Variants in ASPM observed in about 807,000 individuals in gnomAD.
The protein encoded by ASPM is assembly factor for spindle microtubules.
A neutral mutation model predicts 366.4 loss-of-function variants in ASPM; 256 were observed. That is an observed-to-expected ratio of 0.70 (90% CI 0.63 to 0.77). The LOEUF is 0.77. Ranked by LOEUF, ASPM falls within the 30% of genes least tolerant of loss-of-function variation. The pLI, the probability that ASPM is intolerant of heterozygous loss-of-function variation, is 0.00. For synonymous variants in ASPM, 1,414 were observed against 1,342.9 expected (o/e 1.05, Z -1.16); for missense variants, 4,146 against 4,090.4 (o/e 1.01, Z -0.37).
chr1:197,133,317 G>T (rs1324239304), intron 6 of ASPM, 33 bp downstream of exon 6: 2 of 1,588,730 alleles, frequency 1.3e-6, no homozygotes, highest in Non-Finnish European at 1.7e-6. Context: ...TGTTTTTAAA[G>T]AATTAATGTC....
At chr1:197,136,916 T>C (rs974517549) in intron 4 of ASPM, among the ~76,000 whole-genome samples, 1 of 152,122 alleles carries the variant, frequency 6.6e-6, no homozygotes, top group Non-Finnish European at 1.5e-5. Context: ...ATAGTTATCA[T>C]ATAATATCAT....
rs1178299702 is a variant in ASPM, at chr1:197,101,513, T to C, written c.7738A>G (p.Thr2580Ala). 21 of 1,609,524 alleles carry C rather than the reference T, an allele frequency of 1.3e-5. No individual in the cohort carries two copies. Among genetic ancestry groups the C allele is most frequent in the Non-Finnish European group, 1.7e-5 (20 of 1,179,066 alleles). ...CTATATTTTTCTTGTATGATTTTTG[T>C]AGCCCACTGAAGCTTTTGGTAGAAA... ...YCFYQKLQWATKIIQEKYRAN... is the reference protein window; with the variant it reads ...YCFYQKLQWAAKIIQEKYRAN... The change falls in exon 18 of 28, where the codon ACA becomes GCA. Residue 2580 changes from threonine to alanine, a missense_variant. Around this residue, in one of 3 missense-constraint regions of ASPM, gnomAD observed 3,624 missense variants for 3,591.7 expected, o/e 1.01. Coordinates refer to ENST00000367409, the MANE Select transcript of ASPM (RefSeq NM_018136.5).
intron 17 of ASPM, among the ~76,000 whole-genome samples, chr1:197,109,694 C>T (rs1015355747): frequency 1.3e-5 from 2 of 151,824 alleles, no homozygotes; most frequent in African/African-American, 4.8e-5. Flanking sequence ...TAGAAAATCT[C>T]AAAGAATCTA....
In ASPM at chr1:197,101,532, G is replaced by A. The variant is rs1419649358; in HGVS notation, c.7719C>T (p.Tyr2573=). 6.2e-7 allele frequency: 1 copy of A among 1,609,146 alleles called. No homozygotes were observed. ...TTTTTGTAGCCCACTGAAGCTTTTG[G>A]TAGAAACAATACTGCCTATACATTC... is the stretch of plus-strand genomic sequence containing the variant. ...TYRMYRQYCF[Y]QKLQWATKII... The change falls in exon 18 of 28, where the codon TAC becomes TAT. Residue 2573 remains tyrosine (Y), a synonymous_variant. Transcript: ENST00000367409.
At chr1:197,125,669 T>C (rs1658070423) in intron 10 of ASPM, among the ~76,000 whole-genome samples, 1 of 152,130 alleles carries the variant, frequency 6.6e-6, no homozygotes, top group Admixed American at 6.5e-5. Context: ...CCTATGGTCA[T>C]AGAGCTGGTA....
rs151262912 is a variant in ASPM at position 197,104,926 on chromosome 1, T to C, written c.4325A>G (p.Gln1442Arg). 6.2e-7 allele frequency: 1 copy of C among 1,612,288 alleles called. No individual in the cohort carries two copies. Among genetic ancestry groups the C allele is most frequent in the Non-Finnish European group, 8.5e-7 (1 of 1,179,188 alleles). The change falls in exon 18 of 28, where the codon CAA (glutamine) becomes CGA (arginine). Residue 1442 changes from glutamine (Q) to arginine (R), a missense_variant. Gln to Arg is a conservative substitution (Grantham distance 43, BLOSUM62 1). This residue lies in a region of ASPM where 3,624 missense variants were observed against 3,591.7 expected (regional missense o/e 1.01). Transcript: ENST00000367409. ...TTGCAATATTACTGTAGCTTTTACT[T>C]GTGATTGCATTTTACGTTGCTTCCA... The part of the protein sequence containing the change: ...RKWKQRKMQS[Q>R]VKATVILQRA...
Position 197,146,145 on chromosome 1 carries a change from A to G in ASPM, c.293T>C (p.Leu98Ser). 6.2e-7 allele frequency: 1 copy of G among 1,614,090 alleles called. No individual in the cohort carries two copies. The highest frequency in any genetic ancestry group is 1.3e-5 in the African/African-American group (1 of 75,020). The change falls in exon 1 of 28, where the codon TTG becomes TCG. Residue 98 changes from leucine to serine, a missense_variant. Physicochemically the swap from Leu to Ser is moderately radical, Grantham distance 145 (BLOSUM62 -2). Around this residue, in one of 3 missense-constraint regions of ASPM, gnomAD observed 512 missense variants for 471.7 expected, o/e 1.09. Transcript: ENST00000367409. ...CACGCTCCTCCTGAGACCTACCTGC[A>G]ACACGAAACAGCGCTGCGACACACT... ...GFSVSQRCFV[L>S]QPKEKIVISV...
Position 197,133,493 on chromosome 1 carries a change from C to G in ASPM, c.2276G>C (p.Arg759Pro), listed in dbSNP as rs375901171. 6.2e-7 allele frequency: 1 copy of G among 1,613,908 alleles called. No individual in the cohort carries two copies. The highest frequency in any genetic ancestry group is 1.3e-5 in the African/African-American group (1 of 74,908). ...ACGACGTAGTCTGTTTAACCTACACCGAGCAGTATAAGCTCTGAGAGACAT... is the reference window on the plus strand; with the variant it reads ...ACGACGTAGTCTGTTTAACCTACACGGAGCAGTATAAGCTCTGAGAGACAT... Reference protein sequence around the residue: ...EEMSLRAYTARCRLNRLRRAA... With the variant: ...EEMSLRAYTAPCRLNRLRRAA... The change falls in exon 6 of 28, where the codon CGG becomes CCG. Residue 759 changes from arginine to proline, a missense_variant. This residue lies in a region of ASPM where 3,624 missense variants were observed against 3,591.7 expected (regional missense o/e 1.01). Coordinates refer to ENST00000367409, the MANE Select transcript of ASPM (RefSeq NM_018136.5).
rs111299108 is a variant in ASPM at position 197,146,465 on chromosome 1, C to T, written c.-28G>A. 1,145 of 1,600,712 alleles carry T rather than the reference C, an allele frequency of 7.2e-4. 4 individuals carry two copies. The African/African-American group carries it at 0.013, about 18-fold the overall frequency. ...CAGATTCGAGACCCCTCCTGGATCT[C>T]CTTGCCCCGCTCCCACGAGGCGGCT... On this transcript the variant is annotated 5_prime_UTR_variant, in exon 1 of 28. Transcript: ENST00000367409.
Position 197,132,295 on chromosome 1 carries a change from A to G in ASPM, c.2477T>C (p.Ile826Thr). Residue 826 changes from isoleucine to threonine, a missense_variant, in exon 7 of 28, where the codon ATT (isoleucine) becomes ACT (threonine). Around this residue, in one of 3 missense-constraint regions of ASPM, gnomAD observed 3,624 missense variants for 3,591.7 expected, o/e 1.01. Coordinates refer to ENST00000367409, the MANE Select transcript of ASPM (RefSeq NM_018136.5). ...GAAATATATGCTTACCTCTAGACCA[A>G]TTCGAAGCCACAAAGGATTGTAGGA... ...LLSYNPLWLR[I>T]GLETTYGELI... 4 of 1,612,708 alleles carry G rather than the reference A, an allele frequency of 2.5e-6. No individual in the cohort carries two copies. The highest frequency in any genetic ancestry group is 3.4e-6 in the Non-Finnish European group (4 of 1,179,124).
rs144969324 is a variant in ASPM at position 197,103,741 on chromosome 1, C to A, written c.5510G>T (p.Gly1837Val). Reference protein sequence around the residue: ...AALKIQSAFRGYNKRVKYQSV... With the variant: ...AALKIQSAFRVYNKRVKYQSV... ...TTGATATTTTACCCTTTTATTATAGCCTCTAAAAGCAGACTGAATTTTAAG... is the reference window on the plus strand; with the variant it reads ...TTGATATTTTACCCTTTTATTATAGACTCTAAAAGCAGACTGAATTTTAAG... The change falls in exon 18 of 28, where the codon GGC becomes GTC. Residue 1837 changes from glycine to valine, a missense_variant. Around this residue, in one of 3 missense-constraint regions of ASPM, gnomAD observed 3,624 missense variants for 3,591.7 expected, o/e 1.01. Transcript: ENST00000367409. The A allele has an allele frequency of 1.9e-6, 3 of 1,612,628 alleles. No homozygotes were observed. The African/African-American group carries it at 4.0e-5, about 22-fold the overall frequency.
intron 9 of ASPM, among the ~76,000 whole-genome samples, chr1:197,128,968 T>C (rs1658177660): frequency 6.6e-6 from 1 of 152,082 alleles, no homozygotes; most frequent in Non-Finnish European, 1.5e-5. Flanking sequence ...AAGTCAAAAT[T>C]AAGAGTAATG....
chr1:197,117,666 A>T, intron 17 of ASPM, 123 bp downstream of exon 17: 1 of 855,974 alleles, frequency 1.2e-6, no homozygotes, highest in Non-Finnish European at 1.8e-6. Context: ...AATATTTGTT[A>T]AATTAAGTAT....
chr1:197,105,204 G>T lies in ASPM; in HGVS notation c.4066-19C>A. 3 of 1,568,536 alleles carry T rather than the reference G, an allele frequency of 1.9e-6. No homozygotes were observed. Among genetic ancestry groups the T allele is most frequent in the South Asian group, 2.2e-5 (2 of 89,868 alleles). ...AATATCCCTGGAAAAGGTAAGAAAG[G>T]ACACAAAGTAAAATAGGCATAGCTT... is the stretch of plus-strand genomic sequence containing the variant. On this transcript the variant is annotated intron_variant, in intron 17 of 27. Coordinates refer to ENST00000367409, the MANE Select transcript of ASPM (RefSeq NM_018136.5).
Position 197,103,357 on chromosome 1 carries a change from C to T in ASPM, c.5894G>A (p.Arg1965Lys), listed in dbSNP as rs778480551. 1 of 1,613,216 alleles carries T rather than the reference C, an allele frequency of 6.2e-7. No individual in the cohort carries two copies. The highest frequency in any genetic ancestry group is 8.5e-7 in the Non-Finnish European group (1 of 1,179,470). The change falls in exon 18 of 28, where the codon AGA becomes AAA. Residue 1965 changes from arginine to lysine, a missense_variant. Transcript: ENST00000367409. ...ACATTTATGTTGCCTTTGAAGCTGT[C>T]TTCTCAGTGTTTTTCCCTTCCACAT... ...QSMWKGKTLR[R>K]QLQRQHKCAI...
At chr1:197,114,326 G>T (rs909577759) in intron 17 of ASPM, among the ~76,000 whole-genome samples, 6 of 152,208 alleles carry the variant, frequency 3.9e-5, no homozygotes, top group Non-Finnish European at 8.8e-5. Context: ...CCTTAATGTT[G>T]GTGGCTGCTG....
In ASPM at chr1:197,124,912, T is replaced by G; in HGVS notation, c.3126A>C (p.Glu1042Asp). 6.2e-7 allele frequency: 1 copy of G among 1,612,220 alleles called. No individual in the cohort carries two copies. The change falls in exon 12 of 28, where the codon GAA becomes GAC. Residue 1042 changes from glutamate to aspartate, a missense_variant. Physicochemically the swap from Glu to Asp is conservative, Grantham distance 45. This residue lies in a region of ASPM where 3,624 missense variants were observed against 3,591.7 expected (regional missense o/e 1.01). Transcript: ENST00000367409. ...TTTTCCAAAGCAACCTGAGAGTTTT[T>G]TCTCTGTGCCTATCCACAATATCCT... ...LSKDIVDRHR[E>D]KTLRLLWKIA...
chr1:197,091,976 T>C lies in ASPM; in HGVS notation c.9375A>G (p.Gln3125=), dbSNP rs547552927. ...AYYHLNAVRI[Q]RAYKLYLAVK... ...CAGCCAGGTAAAGTTTATAGGCTCT[T>C]TGAATTCTAACAGCATTCAGGTGAT... Residue 3125 remains glutamine, a synonymous_variant, in exon 22 of 28, where the codon CAA becomes CAG. Coordinates refer to ENST00000367409, the MANE Select transcript of ASPM (RefSeq NM_018136.5). The C allele has an allele frequency of 6.8e-5, 109 of 1,611,930 alleles. No homozygotes were observed. The South Asian group carries it at 1.1e-3, about 16-fold the overall frequency.
In ASPM at chr1:197,101,376, G is replaced by A. The variant is rs371355993; in HGVS notation, c.7875C>T (p.His2625=). The A allele has an allele frequency of 3.1e-6, 5 of 1,609,468 alleles. No homozygotes were observed. Among genetic ancestry groups the A allele is most frequent in the Non-Finnish European group, 4.2e-6 (5 of 1,178,898 alleles). The change falls in exon 18 of 28, where the codon CAC becomes CAT. Residue 2625 remains histidine (H), a synonymous_variant. Coordinates refer to ENST00000367409, the MANE Select transcript of ASPM (RefSeq NM_018136.5). ...MNIKKQIQEQ[H]QAAIIIQKHC... ...GCTTCTGAATAATAATGGCAGCCTG[G>A]TGCTGTTCCTGAATCTGTTTTTTTA...
Sources: allele counts gnomAD v4.1 joint callset (sites outside exome capture counted in the v4.1 genomes callset), GRCh38; gene constraint gnomAD v4.1.1; regional missense constraint gnomAD v4.1.1; transcripts MANE v1.5; gene names NCBI Gene and HGNC (gene_info 2026-07-23, HGNC 2026-07-21).